Variants in CACNA1C observed in about 807,000 individuals in gnomAD.
CACNA1C encodes calcium voltage-gated channel subunit alpha1 C.
In CACNA1C, 30 loss-of-function variants were observed where a neutral mutation model predicts 229.0. The observed-to-expected ratio is 0.13, with a 90% CI of 0.10 to 0.18. The LOEUF is 0.18. Ranked by LOEUF, CACNA1C falls within the 10% of genes least tolerant of loss-of-function variation. The probability of loss-of-function intolerance (pLI) is 1.00; values close to 1 mark genes in which losing one functional copy is unlikely to be tolerated. For synonymous variants in CACNA1C, 1,114 were observed against 1,132.5 expected, an observed-to-expected ratio of 0.98 and a Z score of 0.33; for missense variants, 1,658 against 2,845.0, an observed-to-expected ratio of 0.58 and a Z score of 9.49.
intron 3 of CACNA1C, among the ~76,000 whole-genome samples, chr12:2,121,360 C>T (rs2086640491): frequency 1.3e-5 from 2 of 152,204 alleles, no homozygotes; most frequent in Non-Finnish European, 2.9e-5. Context: ...TCCACAGCTG[C>T]TGGGCTGATG....
intron 1 of CACNA1C, among the ~76,000 whole-genome samples, chr12:2,084,623 A>G (rs936936794): frequency 1.3e-5 from 2 of 152,178 alleles, no homozygotes; most frequent in Non-Finnish European, 2.9e-5. Context: ...GAAGGGACAC[A>G]GGGCTTCAGC....
chr12:2,273,338 T>C (rs906762563), intron 3 of CACNA1C, among the ~76,000 whole-genome samples: 11 of 152,214 alleles, frequency 7.2e-5, no homozygotes, highest in Admixed American at 3.9e-4. Context: ...TCTTTTCAAA[T>C]ATTTTCTATC....
Position 2,500,433 on chromosome 12 carries a change from T to G in CACNA1C, c.1114-4409T>G, listed in dbSNP as rs183728078. 3.3e-3 allele frequency among the ~76,000 whole-genome samples: 503 copies of G among 152,210 alleles called. 1 individual carries two copies. The highest frequency in any genetic ancestry group is 0.011 in the African/African-American group (472 of 41,532). ...GTGGCCTCCAAGGCTGCATTTTCTGTGAGGTTAAATGTTCACAAAATTTAA... is the reference window on the plus strand; with the variant it reads ...GTGGCCTCCAAGGCTGCATTTTCTGGGAGGTTAAATGTTCACAAAATTTAA... On this transcript the variant is annotated intron_variant, in intron 7 of 46. Coordinates refer to ENST00000399655, the MANE Select transcript of CACNA1C (RefSeq NM_000719.7).
At chr12:2,532,563 C>A (rs1029017018) in intron 9 of CACNA1C, among the ~76,000 whole-genome samples, 1 of 152,208 alleles carries the variant, frequency 6.6e-6, no homozygotes, top group African/African-American at 2.4e-5. Flanking sequence ...CTTGAAGCTG[C>A]CCAGGGCCCA....
chr12:2,429,344 G>C (rs1290213533), intron 3 of CACNA1C, among the ~76,000 whole-genome samples: 2 of 152,130 alleles, frequency 1.3e-5, no homozygotes, highest in Admixed American at 6.5e-5. Context: ...TGCCAGCCTG[G>C]ATTCTGTAAC....
chr12:2,140,332 A>G (rs2094026864), intron 3 of CACNA1C, among the ~76,000 whole-genome samples: 1 of 151,468 alleles, frequency 6.6e-6, no homozygotes, highest in Non-Finnish European at 1.5e-5. Context: ...AGGGCCTCCC[A>G]GTCACTTTTG....
At chr12:2,628,710 C>T (rs2088580018) in intron 29 of CACNA1C, among the ~76,000 whole-genome samples, 2 of 151,016 alleles carry the variant, frequency 1.3e-5, no homozygotes, top group South Asian at 2.1e-4. Flanking sequence ...AGTTCCAGAC[C>T]AGCCTGGGCA....
chr12:2,044,488 A>T (rs1474794330), intron 1 of CACNA1C, among the ~76,000 whole-genome samples: 1 of 152,200 alleles, frequency 6.6e-6, no homozygotes, highest in Non-Finnish European at 1.5e-5. Context: ...CCCCGCCCCC[A>T]GGTACTTGGA....
chr12:2,073,436 G>T (rs2062071795), intron 1 of CACNA1C, among the ~76,000 whole-genome samples: 1 of 152,100 alleles, frequency 6.6e-6, no homozygotes, highest in South Asian at 2.1e-4. Context: ...ACAGAGAAAG[G>T]GCCCTTGCTG....
chr12:2,364,513 G>C (rs1367504227), intron 3 of CACNA1C, among the ~76,000 whole-genome samples: 1 of 152,164 alleles, frequency 6.6e-6, no homozygotes, highest in East Asian at 1.9e-4. Flanking sequence ...GTGGAAATGT[G>C]ACTTCTTAAT....
At chr12:2,170,084 C>T (rs1468901109) in intron 3 of CACNA1C, among the ~76,000 whole-genome samples, 1 of 152,180 alleles carries the variant, frequency 6.6e-6, no homozygotes, top group Non-Finnish European at 1.5e-5. Context: ...AGCACTTAAC[C>T]TCATGTTTGG....
intron 3 of CACNA1C, among the ~76,000 whole-genome samples, chr12:2,226,716 T>G (rs1272981305): frequency 1.3e-5 from 2 of 152,214 alleles, no homozygotes; most frequent in Non-Finnish European, 2.9e-5. Context: ...TTCACTGCAC[T>G]TGGGTCTTAA....
In CACNA1C at chr12:2,665,084, A is replaced by G; in HGVS notation, c.4398+94A>G. ...ATCTCTGCAGCTCATGGTCAGGGCA[A>G]CCCTATCAGAGGAGCTGGCTTGGGA... is the stretch of plus-strand genomic sequence containing the variant. On this transcript the variant is annotated intron_variant, in intron 35 of 46. Transcript: ENST00000399655. This position sits in a 1 kb window ranked among gnomAD's most constrained non-coding sequence, Gnocchi z 5.9. 1 of 1,350,202 alleles carries G rather than the reference A, an allele frequency of 7.4e-7. No individual in the cohort carries two copies. The highest frequency in any genetic ancestry group is 1.0e-6 in the Non-Finnish European group (1 of 958,098). 83.6% of individuals were successfully genotyped at this position (1,350,202 alleles called of 1,614,324 possible).
intron 8 of CACNA1C, among the ~76,000 whole-genome samples, chr12:2,507,648 C>T (rs1041066355): frequency 7.2e-5 from 11 of 152,212 alleles, no homozygotes; most frequent in Non-Finnish European, 8.8e-5. Flanking sequence ...TGTCAGGCTC[C>T]GTGCTCGGCG....
intron 1 of CACNA1C, among the ~76,000 whole-genome samples, chr12:2,113,977 C>T (rs891879731): frequency 1.4e-4 from 21 of 152,212 alleles, no homozygotes; most frequent in African/African-American, 4.6e-4. Flanking sequence ...CACTGTCCCT[C>T]TCCCCTACCC....
At chr12:2,291,704 C>G (rs556460414) in intron 3 of CACNA1C, among the ~76,000 whole-genome samples, 1 of 152,280 alleles carries the variant, frequency 6.6e-6, no homozygotes, top group East Asian at 1.9e-4. Context: ...GGTAGAGCAT[C>G]CAGGCTGCTT....
Position 2,653,615 on chromosome 12 carries a change from C to T in CACNA1C, c.4075-220C>T, listed in dbSNP as rs868368559. Among the ~76,000 whole-genome samples, 1 of 152,196 alleles carries T rather than the reference C, an allele frequency of 6.6e-6. No homozygotes were observed. Among genetic ancestry groups the T allele is most frequent in the South Asian group, 2.1e-4 (1 of 4,838 alleles). On this transcript the variant is annotated intron_variant, in intron 32 of 46. Coordinates refer to ENST00000399655, the MANE Select transcript of CACNA1C (RefSeq NM_000719.7). This position sits in a 1 kb window ranked among gnomAD's most constrained non-coding sequence, Gnocchi z 4.7. ...AGTGTCGCACTATATCGTTACTCTG[C>T]GGCCTGCTTTGAAAACCAAGCTGAA...
chr12:2,543,040 AT>A (rs2099875306), intron 9 of CACNA1C, among the ~76,000 whole-genome samples: 1 of 152,208 alleles, frequency 6.6e-6, no homozygotes, highest in South Asian at 2.1e-4. Flanking sequence ...CTGCTGGCAG[AT>A]GTTTCTTGCA....
intron 34 of CACNA1C, among the ~76,000 whole-genome samples, chr12:2,662,108 A>G (rs368093974): frequency 6.6e-5 from 10 of 151,914 alleles, no homozygotes; most frequent in Admixed American, 1.3e-4. Context: ...CGGGCGTGGT[A>G]GCAGGCGCCT....
Sources: allele counts gnomAD v4.1 joint callset (sites outside exome capture counted in the v4.1 genomes callset), GRCh38; gene constraint gnomAD v4.1.1; non-coding constraint Gnocchi (gnomAD v3.1); transcripts MANE v1.5; gene names NCBI Gene and HGNC (gene_info 2026-07-23, HGNC 2026-07-21).